Variants in THOC5 observed in about 807,000 individuals in gnomAD.
The protein encoded by THOC5 is THO complex subunit 5, also known as Fms-interacting protein.
A neutral mutation model predicts 92.9 loss-of-function variants in THOC5; 43 were observed. That is an observed-to-expected ratio of 0.46 (90% CI 0.36 to 0.60). The LOEUF (loss-of-function observed/expected upper bound fraction) is 0.60. Among genes scored for constraint, THOC5 ranks in the 20% least tolerant of loss-of-function variants. The pLI is 0.00. For synonymous variants in THOC5, 296 were observed against 320.1 expected (o/e 0.92, Z 0.80); for missense variants, 659 against 849.4 (o/e 0.78, Z 2.79).
chr22:29,530,918 C>T (rs2063641631), intron 8 of THOC5, among the ~76,000 whole-genome samples: 1 of 152,186 alleles, frequency 6.6e-6, no homozygotes, highest in Admixed American at 6.5e-5. Flanking sequence ...TATGGCAACC[C>T]TATGTGAATC....
At position 29,506,279 on chromosome 22, in the gene THOC5, G is replaced by A. The variant is rs1474136438; in HGVS notation, c.*2178C>T. The A allele has an allele frequency of 2.0e-5, 3 of 152,132 alleles. No individual in the cohort carries two copies. Among genetic ancestry groups the A allele is most frequent in the Non-Finnish European group, 4.4e-5 (3 of 68,016 alleles). 9.4% of individuals were successfully genotyped at this position (152,132 alleles called of 1,614,324 possible). On this transcript the variant is annotated 3_prime_UTR_variant, in exon 20 of 20. Coordinates refer to ENST00000490103, the MANE Select transcript of THOC5 (RefSeq NM_003678.5). ...CTTTGACTTGCAGGAGTATTACAAA[G>A]GATGTAATTTTATGAACATTTTAAA...
At chr22:29,511,343 G>C (rs1434172725) in intron 18 of THOC5, 47 bp from the exon 19 acceptor site, 1 of 1,580,166 alleles carries the variant, frequency 6.3e-7, no homozygotes, top group Admixed American at 1.7e-5. Flanking sequence ...TCCTGCATGT[G>C]GGGGACCACA....
At chr22:29,533,423 A>C (rs2063694956) in intron 7 of THOC5, among the ~76,000 whole-genome samples, 1 of 152,230 alleles carries the variant, frequency 6.6e-6, no homozygotes. Flanking sequence ...ATAAATGGTC[A>C]GCTAAATACC....
At chr22:29,512,504 A>G (rs1183567828) in intron 17 of THOC5, among the ~76,000 whole-genome samples, 1 of 152,202 alleles carries the variant, frequency 6.6e-6, no homozygotes, top group Non-Finnish European at 1.5e-5. Context: ...AAAGCTTACT[A>G]ATTTTTCAAC....
intron 18 of THOC5, 57 bp from the exon 19 acceptor site, chr22:29,511,353 A>G (rs1254725149): frequency 3.2e-6 from 5 of 1,566,624 alleles, no homozygotes; most frequent in Non-Finnish European, 4.3e-6. Context: ...GGGGGACCAC[A>G]CTGGCCAGGC....
At chr22:29,516,628 C>T (rs2063337487) in intron 17 of THOC5, among the ~76,000 whole-genome samples, 1 of 152,226 alleles carries the variant, frequency 6.6e-6, no homozygotes, top group Non-Finnish European at 1.5e-5. Context: ...GAAGAGGGAG[C>T]GAGGCCCTGT....
chr22:29,531,365 G>T, intron 8 of THOC5: 2 of 985,422 alleles, frequency 2.0e-6, no homozygotes, highest in Non-Finnish European at 2.4e-6. Context: ...CTGCCCTCAA[G>T]CTTAATGAGG....
chr22:29,525,733 G>T, intron 12 of THOC5, 105 bp downstream of exon 12: 1 of 816,436 alleles, frequency 1.2e-6, no homozygotes, highest in Non-Finnish European at 2.0e-6. Flanking sequence ...CAACACAGCC[G>T]TAGCCCTCTC....
chr22:29,518,693 T>A (rs1021429589), intron 15 of THOC5, among the ~76,000 whole-genome samples: 4 of 152,228 alleles, frequency 2.6e-5, no homozygotes, highest in Non-Finnish European at 5.9e-5. Context: ...ATGTGTCGAA[T>A]GCACATCAAA....
intron 8 of THOC5, among the ~76,000 whole-genome samples, chr22:29,530,313 G>T (rs1331107649): frequency 6.6e-6 from 1 of 151,722 alleles, no homozygotes; most frequent in Non-Finnish European, 1.5e-5. Flanking sequence ...GAGATCAGGA[G>T]TTCGAGACCA....
Position 29,543,438 on chromosome 22 carries a change from C to G in THOC5, c.345G>C (p.Gln115His). 6.2e-7 allele frequency: 1 copy of G among 1,610,162 alleles called. No homozygotes were observed. Among genetic ancestry groups the G allele is most frequent in the Non-Finnish European group, 8.5e-7 (1 of 1,177,866 alleles). The change falls in exon 4 of 20, where the codon CAG becomes CAC. Residue 115 changes from glutamine to histidine, a missense_variant. Transcript: ENST00000490103. ...AHIRLKKGRD[Q>H]THEAKQKVDA... is the part of the protein sequence containing the mutation. The stretch of plus-strand genomic sequence containing the variant: ...ACCTTTTAACTACTACCTCGTGGGT[C>G]TGATCTCTTCCTTTCTTCAACCTGA...
rs935083584 is a variant in THOC5, at chr22:29,531,776, C to T, written c.847+55G>A. On this transcript the variant is annotated intron_variant, in intron 8 of 19. Coordinates refer to ENST00000490103, the MANE Select transcript of THOC5 (RefSeq NM_003678.5). ...AGGTACTGCTTCCAACTGATTCACT[C>T]GGCCACAGCTGCTGCTCCCATAGCC... 26 of 1,578,756 alleles carry T rather than the reference C, an allele frequency of 1.6e-5. No individual in the cohort carries two copies. The South Asian group carries it at 2.7e-4, about 16-fold the overall frequency.
In THOC5 at chr22:29,529,242, G is replaced by C. The variant is rs756549607; in HGVS notation, c.848-3C>G. ...GATTGCCACAGATAACGTCTTATCT[G>C]GGGGGCAAGAAGAAGTCTGTTAGGA... On this transcript the variant is annotated splice_polypyrimidine_tract_variant and splice_region_variant and intron_variant, in intron 8 of 19. Transcript: ENST00000490103. The C allele has an allele frequency of 2.5e-6, 4 of 1,614,084 alleles. No homozygotes were observed. Among genetic ancestry groups the C allele is most frequent in the African/African-American group, 1.3e-5 (1 of 75,048 alleles).
At chr22:29,529,322 T>A in intron 8 of THOC5, 83 bp from the exon 9 acceptor site, 1 of 1,413,358 alleles carries the variant, frequency 7.1e-7, no homozygotes, top group Non-Finnish European at 1.0e-6. Flanking sequence ...TGGGGCTGCA[T>A]TTCTCCCACC....
At position 29,547,869 on chromosome 22, in the gene THOC5, G is replaced by A. The variant is rs139049294; in HGVS notation, c.96+1183C>T. ...ATTTACTGGATTAGTTTATTTTCAC[G>A]CTGCTGATAAAGACATACCTGAAAT... On this transcript the variant is annotated intron_variant, in intron 2 of 19. Transcript: ENST00000490103. Among the ~76,000 whole-genome samples, 234 of 152,238 alleles carry A rather than the reference G, an allele frequency of 1.5e-3. 3 individuals carry two copies. Among genetic ancestry groups the A allele is most frequent in the Middle Eastern group, 6.8e-3 (2 of 294 alleles).
At chr22:29,510,968 C>T (rs768389078) in intron 19 of THOC5, 138 bp downstream of exon 19, 2 of 882,062 alleles carry the variant, frequency 2.3e-6, no homozygotes, top group Non-Finnish European at 3.5e-6. Context: ...TAGTGAAAAA[C>T]AGGTGGACCA....
rs1488989944 is a variant in THOC5 at position 29,512,031 on chromosome 22, T to C, written c.1787A>G (p.Asp596Gly). 4 of 1,614,028 alleles carry C rather than the reference T, an allele frequency of 2.5e-6. No homozygotes were observed. The highest frequency in any genetic ancestry group is 3.4e-6 in the Non-Finnish European group (4 of 1,179,918). Residue 596 changes from aspartate (D) to glycine (G), a missense_variant, in exon 18 of 20, where the codon GAC (aspartate) becomes GGC (glycine). Transcript: ENST00000490103. Reference sequence around the variant, plus strand: ...CCAGCTGGGTCTTACCCGAATGTTGTCATCGTTGCTGTTGGTTTTCTCCCC... The same window carrying C: ...CCAGCTGGGTCTTACCCGAATGTTGCCATCGTTGCTGTTGGTTTTCTCCCC... The part of the protein sequence containing the change: ...WKGEKTNSND[D>G]NIRAMEGEVN...
chr22:29,520,392 A>AC (rs1386843808), intron 13 of THOC5, among the ~76,000 whole-genome samples: 1 of 152,256 alleles, frequency 6.6e-6, no homozygotes, highest in Non-Finnish European at 1.5e-5. Flanking sequence ...TTGGTCTACC[A>AC]ATTTAGAAAA....
intron 15 of THOC5, among the ~76,000 whole-genome samples, chr22:29,517,759 T>C (rs2063361683): frequency 6.6e-6 from 1 of 152,252 alleles, no homozygotes; most frequent in South Asian, 2.1e-4. Context: ...AAGTGTTGTG[T>C]GTCAGGGAGA....
Sources: allele counts gnomAD v4.1 joint callset (sites outside exome capture counted in the v4.1 genomes callset), GRCh38; gene constraint gnomAD v4.1.1; transcripts MANE v1.5; gene names NCBI Gene and HGNC (gene_info 2026-07-23, HGNC 2026-07-21).